RYR2: variants seen among roughly 807,000 people sequenced by gnomAD.
RYR2 encodes the protein cardiac muscle ryanodine receptor-calcium release channel.
RYR2 carries 227 observed loss-of-function variants against 601.1 expected under a neutral mutation model. The ratio of observed to expected loss-of-function variants is 0.38; its 90% CI spans 0.34 to 0.42. RYR2 has a LOEUF of 0.42. Among genes scored for constraint, RYR2 ranks in the 10% least tolerant of loss-of-function variants. RYR2 has a pLI of 1.00. For missense variants in RYR2, 4,646 were observed against 6,156.5 expected (o/e 0.75, Z 8.21); for synonymous variants, 2,223 against 2,175.1 (o/e 1.02, Z -0.61).
rs1297337638 is a variant in RYR2 at position 237,610,312 on chromosome 1, A to G, written c.4684-450A>G. ...ATCTGGAATACTTCTGGCTAGAGGAAGTGTCTTAAGGACGAGTTGGGTGAC... is the reference window on the plus strand; with the variant it reads ...ATCTGGAATACTTCTGGCTAGAGGAGGTGTCTTAAGGACGAGTTGGGTGAC... On this transcript the variant is annotated intron_variant, in intron 35 of 104. Coordinates refer to ENST00000366574, the MANE Select transcript of RYR2 (RefSeq NM_001035.3). The surrounding 1 kb of genome is among the most constrained non-coding windows in gnomAD (Gnocchi z 4.9). Among the ~76,000 whole-genome samples, 2 of 152,200 alleles carry G rather than the reference A, an allele frequency of 1.3e-5. No homozygotes were observed. The highest frequency in any genetic ancestry group is 3.9e-4 in the East Asian group (2 of 5,194).
At chr1:237,511,859 A>C (rs1665950989) in intron 24 of RYR2, 68 bp downstream of exon 24, 6 of 876,704 alleles carry the variant, frequency 6.8e-6, no homozygotes, top group East Asian at 3.0e-5. Context: ...AAAAAAAAAA[A>C]CAGGTATTGA....
chr1:237,727,975 C>T (rs1690336303), intron 76 of RYR2, among the ~76,000 whole-genome samples: 1 of 152,084 alleles, frequency 6.6e-6, no homozygotes, highest in African/African-American at 2.4e-5. Context: ...GGACTCAGCT[C>T]AGCTACATCT....
chr1:237,382,520 T>TC (rs570819650), intron 8 of RYR2, among the ~76,000 whole-genome samples: 24,005 of 105,726 alleles, frequency 0.23, 2,873 homozygotes, highest in East Asian at 0.45. Flanking sequence ...ATGTTATCCC[T>TC]CCCCCCTCCC....
intron 90 of RYR2, among the ~76,000 whole-genome samples, chr1:237,785,728 A>T (rs1216269984): frequency 1.3e-5 from 2 of 152,066 alleles, no homozygotes; most frequent in Admixed American, 6.6e-5. Context: ...TCTAAATGAG[A>T]AAAGAGAGTG....
intron 1 of RYR2, among the ~76,000 whole-genome samples, chr1:237,096,163 G>A (rs557392025): frequency 2.6e-5 from 4 of 152,236 alleles, no homozygotes; most frequent in South Asian, 2.1e-4. Context: ...GGACAGTGTC[G>A]TCCTTCAACA....
At chr1:237,307,444 G>A (rs918891391) in intron 2 of RYR2, among the ~76,000 whole-genome samples, 1 of 152,160 alleles carries the variant, frequency 6.6e-6, no homozygotes, top group African/African-American at 2.4e-5. Flanking sequence ...TTTATAGTAT[G>A]AGATAGTCAC....
chr1:237,537,822 G>C (rs1668809939), intron 25 of RYR2, among the ~76,000 whole-genome samples: 1 of 152,144 alleles, frequency 6.6e-6, no homozygotes. Context: ...AATTCATAGA[G>C]CCAGATATAT....
In RYR2 at chr1:237,202,887, G is replaced by A. The variant is rs1442732228; in HGVS notation, c.49-67610G>A. Among the ~76,000 whole-genome samples, 5 of 152,122 alleles carry A rather than the reference G, an allele frequency of 3.3e-5. No homozygotes were observed. In the South Asian group the frequency reaches 6.2e-4, roughly 19 times the overall value. On this transcript the variant is annotated intron_variant, in intron 1 of 104. Transcript: ENST00000366574. ...GGAAAGGACAATTGGAACCAGCAAC[G>A]CAACATTGTGAATGCTCAGCCCTTC... is the stretch of plus-strand genomic sequence containing the variant.
chr1:237,546,622 C>A (rs1232385678), intron 25 of RYR2, among the ~76,000 whole-genome samples: 1 of 152,048 alleles, frequency 6.6e-6, no homozygotes, highest in African/African-American at 2.4e-5. Context: ...CTCAAGCGAT[C>A]CACCTGCCTC....
At chr1:237,150,650 C>A (rs1890153) in intron 1 of RYR2, among the ~76,000 whole-genome samples, 6,062 of 152,210 alleles carry the variant, frequency 0.04, 311 homozygotes, top group African/African-American at 0.12. Context: ...AGAGGTAGAA[C>A]ATAGGCTAAT....
chr1:237,362,512 G>T (rs534590902), intron 4 of RYR2, among the ~76,000 whole-genome samples: 1 of 152,160 alleles, frequency 6.6e-6, no homozygotes, highest in Admixed American at 6.5e-5. Context: ...TTTTTAAAGG[G>T]TTTTTGTTGT....
intron 2 of RYR2, among the ~76,000 whole-genome samples, chr1:237,310,609 T>C (rs1457304497): frequency 6.6e-6 from 1 of 152,160 alleles, no homozygotes. Flanking sequence ...TTGAAGCCCT[T>C]GAATTCAACT....
At chr1:237,548,889 G>A (rs1670095802) in intron 26 of RYR2, among the ~76,000 whole-genome samples, 1 of 152,158 alleles carries the variant, frequency 6.6e-6, no homozygotes, top group African/African-American at 2.4e-5. Context: ...CTTTTGAAAT[G>A]TAAGAAGACT....
chr1:237,369,453 AAG>A lies in RYR2; in HGVS notation c.310-76_310-75del, dbSNP rs1346272704. On this transcript the variant is annotated intron_variant, in intron 5 of 104. Transcript: ENST00000366574. Reference sequence around the variant, plus strand: ...TTCCTACTAACGTTCCTTTGAGAGCAAGAGAGTATTTTATCAACTTGGTTAAG... The same window carrying A: ...TTCCTACTAACGTTCCTTTGAGAGCAAGAGTATTTTATCAACTTGGTTAAG... 4 of 1,191,726 alleles carry A rather than the reference AAG, an allele frequency of 3.4e-6. No homozygotes were observed. The Admixed American group carries it at 7.9e-5, about 24-fold the overall frequency. The allele number at this position is 1,191,726 out of a possible 1,614,324, so 73.8% of individuals were successfully genotyped here. A position where few individuals can be genotyped will look rare whatever the true frequency, so the allele number is the denominator to read the frequency against.
At chr1:237,722,123 C>A (rs1439230770) in intron 73 of RYR2, among the ~76,000 whole-genome samples, 2 of 152,064 alleles carry the variant, frequency 1.3e-5, no homozygotes, top group African/African-American at 2.4e-5. Context: ...AAATGCTATC[C>A]TATATCCTTG....
chr1:237,353,748 T>C (rs1699061309), intron 3 of RYR2, among the ~76,000 whole-genome samples: 1 of 152,166 alleles, frequency 6.6e-6, no homozygotes, highest in South Asian at 2.1e-4. Flanking sequence ...AGATATTTAA[T>C]GTAATTTCCT....
At chr1:237,525,086 A>T (rs936089900) in intron 24 of RYR2, among the ~76,000 whole-genome samples, 5 of 152,086 alleles carry the variant, frequency 3.3e-5, no homozygotes, top group African/African-American at 9.7e-5. Flanking sequence ...TCAACATTGT[A>T]CTTGACAGGT....
At chr1:237,808,322 A>C (rs1206406713) in intron 99 of RYR2, among the ~76,000 whole-genome samples, 2 of 152,202 alleles carry the variant, frequency 1.3e-5, no homozygotes, top group Non-Finnish European at 2.9e-5. Flanking sequence ...ACAAAAACGA[A>C]ATGCATTTTA....
rs541051949 is a variant in RYR2, at chr1:237,478,679, A to T, written c.1708+9492A>T. Among the ~76,000 whole-genome samples, 24 of 152,348 alleles carry T rather than the reference A, an allele frequency of 1.6e-4. No homozygotes were observed. In the East Asian group the frequency reaches 2.7e-3, roughly 17 times the overall value. On this transcript the variant is annotated intron_variant, in intron 17 of 104. Transcript: ENST00000366574. ...CTTACTTAATCTACACAATAACTTT[A>T]TAAAGTGAATAATATTAGTATTCCC... is the stretch of plus-strand genomic sequence containing the variant.
Sources: gnomAD v4.1 joint callset for allele counts (sites outside exome capture counted in the v4.1 genomes callset) on GRCh38, gnomAD v4.1.1 for gene constraint, Gnocchi (gnomAD v3.1) non-coding constraint, MANE v1.5 for transcripts, NCBI Gene and HGNC (gene_info 2026-07-23, HGNC 2026-07-21) for gene names.